Variants in FAM184B observed in about 807,000 individuals in gnomAD.
The protein encoded by FAM184B is family with sequence similarity 184 member B.
Under a neutral mutation model 135.9 loss-of-function variants are expected in FAM184B, and 111 were observed. That is an observed-to-expected ratio of 0.82 (90% CI 0.70 to 0.96). The LOEUF is 0.96. Among genes scored for constraint, FAM184B ranks in the 40% least tolerant of loss-of-function variants. The pLI, the probability that FAM184B is intolerant of heterozygous loss-of-function variation, is 0.00. For missense variants in FAM184B, 1,375 were observed against 1,323.9 expected (o/e 1.04, Z -0.60); for synonymous variants, 552 against 524.8 (o/e 1.05, Z -0.71).
chr4:17,677,602 A>G (rs1716341640), intron 7 of FAM184B, among the ~76,000 whole-genome samples: 1 of 152,192 alleles, frequency 6.6e-6, no homozygotes, highest in Non-Finnish European at 1.5e-5. Flanking sequence ...TTCAAAGAAG[A>G]ATCATATTAA....
In FAM184B at chr4:17,781,354, GC is replaced by G; in HGVS notation, c.-56del. On this transcript the variant is annotated 5_prime_UTR_variant, in exon 1 of 18. Transcript: ENST00000265018. This position sits in a 1 kb window ranked among gnomAD's most constrained non-coding sequence, Gnocchi z 6.5. ...CTCGTTTTCTCCCTGCCCACCGTGTGCACGTGCGTGCGCGCGCGGGCGTGCG... is the reference window on the plus strand; with the variant it reads ...CTCGTTTTCTCCCTGCCCACCGTGTGACGTGCGTGCGCGCGCGGGCGTGCG... 7.0e-7 allele frequency: 1 copy of G among 1,433,942 alleles called. No individual in the cohort carries two copies. The highest frequency in any genetic ancestry group is 1.4e-5 in the South Asian group (1 of 71,050). The allele number at this position is 1,433,942 out of a possible 1,614,324, so 88.8% of individuals were successfully genotyped here. A position where few individuals can be genotyped will look rare whatever the true frequency, so the allele number is the denominator to read the frequency against.
chr4:17,709,966 G>A (rs910204285), intron 1 of FAM184B, among the ~76,000 whole-genome samples: 1 of 152,162 alleles, frequency 6.6e-6, no homozygotes, highest in Non-Finnish European at 1.5e-5. Flanking sequence ...AAGCAGAGAA[G>A]TGATGTCATC....
At chr4:17,635,625 T>G (rs1167563112) in intron 15 of FAM184B, among the ~76,000 whole-genome samples, 1 of 152,074 alleles carries the variant, frequency 6.6e-6, no homozygotes, top group African/African-American at 2.4e-5. Context: ...ATTACATAAT[T>G]TTTCTCTGTA....
At chr4:17,699,800 C>G (rs1258481930) in intron 5 of FAM184B, among the ~76,000 whole-genome samples, 1 of 151,968 alleles carries the variant, frequency 6.6e-6, no homozygotes, top group African/African-American at 2.4e-5. Context: ...CCTTTTTTCT[C>G]ATTAACTTTT....
intron 1 of FAM184B, among the ~76,000 whole-genome samples, chr4:17,711,090 T>C (rs1717257352): frequency 1.3e-5 from 2 of 152,062 alleles, no homozygotes; most frequent in South Asian, 2.1e-4. Flanking sequence ...CAGTGGCTCA[T>C]GCCTGTAATC....
intron 1 of FAM184B, among the ~76,000 whole-genome samples, chr4:17,765,567 A>T (rs976436140): frequency 6.6e-6 from 1 of 152,198 alleles, no homozygotes; most frequent in African/African-American, 2.4e-5. Flanking sequence ...CAGTTTTTGT[A>T]TAAAAAACAG....
intron 1 of FAM184B, among the ~76,000 whole-genome samples, chr4:17,731,570 A>G (rs1002096541): frequency 6.6e-6 from 1 of 152,242 alleles, no homozygotes; most frequent in Non-Finnish European, 1.5e-5. Context: ...AAAGATCAAA[A>G]GAGACAAAGA....
At chr4:17,698,070 G>T (rs1313137757) in intron 5 of FAM184B, among the ~76,000 whole-genome samples, 1 of 150,018 alleles carries the variant, frequency 6.7e-6, no homozygotes, top group Non-Finnish European at 1.5e-5. Flanking sequence ...CTTAACTCAG[G>T]TAAAGAGAAA....
At chr4:17,666,409 T>A (rs954667666) in intron 7 of FAM184B, among the ~76,000 whole-genome samples, 1 of 147,778 alleles carries the variant, frequency 6.8e-6, no homozygotes, top group African/African-American at 2.5e-5. Flanking sequence ...GTTCAAGCAA[T>A]TCTCCTGTCT....
chr4:17,656,666 T>C (rs1715783976), intron 10 of FAM184B, among the ~76,000 whole-genome samples: 4 of 152,232 alleles, frequency 2.6e-5, no homozygotes, highest in South Asian at 4.1e-4. Flanking sequence ...CCTCCCAAAG[T>C]GCTGGCATTA....
chr4:17,648,196 G>A (rs965390552), intron 11 of FAM184B, among the ~76,000 whole-genome samples: 17 of 152,198 alleles, frequency 1.1e-4, no homozygotes, highest in Admixed American at 2.6e-4. Flanking sequence ...GGTGTGGGCA[G>A]CATGGCCTGA....
intron 1 of FAM184B, among the ~76,000 whole-genome samples, chr4:17,737,100 T>A (rs1365594623): frequency 6.7e-6 from 1 of 150,346 alleles, no homozygotes; most frequent in East Asian, 2.0e-4. Flanking sequence ...GCTGAGATCG[T>A]GCCATTGCAC....
chr4:17,741,928 T>C (rs1390534389), intron 1 of FAM184B, among the ~76,000 whole-genome samples: 2 of 152,074 alleles, frequency 1.3e-5, no homozygotes, highest in Non-Finnish European at 2.9e-5. Flanking sequence ...ATAGGTTTAC[T>C]ATCAATAGAA....
At chr4:17,775,332 C>T (rs1475685733) in intron 1 of FAM184B, among the ~76,000 whole-genome samples, 12 of 152,132 alleles carry the variant, frequency 7.9e-5, no homozygotes, top group Admixed American at 5.9e-4. Context: ...ACTACCGGTG[C>T]GTGCCACCAC....
intron 1 of FAM184B, among the ~76,000 whole-genome samples, chr4:17,730,416 G>T (rs534951109): frequency 6.6e-6 from 1 of 151,976 alleles, no homozygotes; most frequent in Admixed American, 6.6e-5. Context: ...TACAGAGAAC[G>T]CCACAAAGAT....
chr4:17,687,402 G>A (rs1716613522), intron 7 of FAM184B, among the ~76,000 whole-genome samples: 1 of 152,244 alleles, frequency 6.6e-6, no homozygotes, highest in African/African-American at 2.4e-5. Context: ...GTACTCAAGC[G>A]CCCACTTCAG....
rs1372646412 is a variant in FAM184B, at chr4:17,720,854, C to G, written c.142-11210G>C. Among the ~76,000 whole-genome samples the G allele has an allele frequency of 1.3e-4, 17 of 133,554 alleles. 1 individual carries two copies. The Admixed American group carries it at 1.4e-3, about 11-fold the overall frequency. 87.6% of individuals were successfully genotyped at this position (133,554 alleles called of 152,430 possible). A position where few individuals can be genotyped will look rare whatever the true frequency, so the allele number is the denominator to read the frequency against. ...TGAGCTGAGATCAAGCCAATGCACT[C>G]TAGCCTGGTGACAGAGAAAGACTTC... On this transcript the variant is annotated intron_variant, in intron 1 of 17. Coordinates refer to ENST00000265018, the MANE Select transcript of FAM184B (RefSeq NM_015688.2).
At chr4:17,638,134 CTTTTTTTTTTTTTTT>C (rs56926847) in intron 14 of FAM184B, among the ~76,000 whole-genome samples, 1 of 73,418 alleles carries the variant, frequency 1.4e-5, no homozygotes, top group Non-Finnish European at 2.7e-5. Context: ...TAACTGTTTG[CTTTTTTTTTTTTTTT>C]TTTTTTTTTT....
intron 7 of FAM184B, among the ~76,000 whole-genome samples, chr4:17,672,258 T>TAA (rs71167322): frequency 3.0e-4 from 45 of 151,744 alleles, no homozygotes; most frequent in East Asian, 2.1e-3. Context: ...TTCAAAGTGC[T>TAA]AAAAAAAATG....
Sources: allele counts gnomAD v4.1 joint callset (sites outside exome capture counted in the v4.1 genomes callset), GRCh38; gene constraint gnomAD v4.1.1; non-coding constraint Gnocchi (gnomAD v3.1); transcripts MANE v1.5; gene names NCBI Gene and HGNC (gene_info 2026-07-23, HGNC 2026-07-21).